The following IGSF9 variants were observed in gnomAD, a reference collection of about 807,000 sequenced individuals.
IGSF9 encodes the protein immunoglobulin superfamily member 9, also known as protein turtle homolog A.
In IGSF9, 87 loss-of-function variants were observed where a neutral mutation model predicts 121.7. The ratio of observed to expected loss-of-function variants is 0.71; its 90% confidence interval spans 0.60 to 0.85. IGSF9 has a LOEUF of 0.85. Among genes scored for constraint, IGSF9 ranks in the 40% least tolerant of loss-of-function variants. IGSF9 has a pLI of 0.00. For synonymous variants in IGSF9, 640 were observed against 648.4 expected, an observed-to-expected ratio of 0.99 and a Z score of 0.20; for missense variants, 1,462 against 1,565.3, an observed-to-expected ratio of 0.93 and a Z score of 1.11.
chr1:159,935,626 G>T (rs998785120), intron 6 of IGSF9, among the ~76,000 whole-genome samples: 5 of 152,204 alleles, frequency 3.3e-5, no homozygotes, highest in Non-Finnish European at 7.3e-5. Flanking sequence ...GTCATGATGC[G>T]AGCTGACACA....
chr1:159,930,682 A>G lies in IGSF9; in HGVS notation c.1813+10T>C, dbSNP rs1557932022. 20 of 1,613,860 alleles carry G rather than the reference A, an allele frequency of 1.2e-5. No homozygotes were observed. Among genetic ancestry groups the G allele is most frequent in the Admixed American group, 1.7e-5 (1 of 59,966 alleles). On this transcript the variant is annotated intron_variant, in intron 14 of 20. Transcript: ENST00000368094. ...TTGTCTCTGCTGTTCTGGGACGAGA[A>G]GCTTCTCACCTTCCGGAGCAGACAA...
rs760100707 is a variant in IGSF9, at chr1:159,929,783, C to G, written c.2181G>C (p.Leu727=). The G allele has an allele frequency of 1.9e-6, 3 of 1,606,034 alleles. No individual in the cohort carries two copies. The South Asian group carries it at 3.3e-5, about 18-fold the overall frequency. ...GCACGGGCTGAGGCAGGAGGCCCGG[C>G]AGCTGCGTGCGCGAAGGGTAGACCT... ...GLEVYPSRTQ[L]PGLLPQPVLA... The change falls in exon 17 of 21, where the codon CTG becomes CTC. Residue 727 remains leucine, a synonymous_variant. Coordinates refer to ENST00000368094, the MANE Select transcript of IGSF9 (RefSeq NM_001135050.2).
intron 13 of IGSF9, 100 bp from the exon 14 acceptor site, chr1:159,930,967 A>G (rs1243269758): frequency 3.5e-6 from 5 of 1,430,566 alleles, no homozygotes; most frequent in African/African-American, 1.4e-5. Context: ...CAACCATCCA[A>G]GGTCTCAGGA....
rs200806779 is a variant in IGSF9, at chr1:159,930,891, G to T, written c.1638-24C>A. Reference sequence around the variant, plus strand: ...CCCTGGGAGACATGAGGACATGGGGGGCACCTCGTGAGCTAGGAAGACCAG... The same window carrying T: ...CCCTGGGAGACATGAGGACATGGGGTGCACCTCGTGAGCTAGGAAGACCAG... On this transcript the variant is annotated intron_variant, in intron 13 of 20. Transcript: ENST00000368094. 52 of 1,574,722 alleles carry T rather than the reference G, an allele frequency of 3.3e-5. No homozygotes were observed. The East Asian group carries it at 1.1e-3, about 34-fold the overall frequency.
chr1:159,932,293 C>T lies in IGSF9; in HGVS notation c.1245+219G>A, dbSNP rs1378022030. 1.7e-6 allele frequency: 1 copy of T among 596,856 alleles called. No individual in the cohort carries two copies. The highest frequency in any genetic ancestry group is 3.0e-6 in the Non-Finnish European group (1 of 336,246). 37.0% of individuals were successfully genotyped at this position (596,856 alleles called of 1,614,324 possible). The stretch of plus-strand genomic sequence containing the variant: ...TTGGGGCAAACAGGATATCTTACTT[C>T]TGGATGTGTGTGACTGATGTCCCAC... On this transcript the variant is annotated intron_variant, in intron 10 of 20. Transcript: ENST00000368094. This position sits in a 1 kb window ranked among gnomAD's most constrained non-coding sequence, Gnocchi z 4.1.
Position 159,929,957 on chromosome 1 carries a change from GGAACTCGTAGA to G in IGSF9, c.2072_2082del (p.Leu691ProfsTer105). The G allele has an allele frequency of 6.3e-7, 1 of 1,586,204 alleles. No homozygotes were observed. Among genetic ancestry groups the G allele is most frequent in the Non-Finnish European group, 8.6e-7 (1 of 1,167,094 alleles). ...AAGCTGCCCGCGAAGGCCACGAGGC[GGAACTCGTAGA>G]GAACATCCTGCGATGGGGATGGGGT... On this transcript the variant is annotated frameshift_variant, in exon 16 of 21. Coordinates refer to ENST00000368094, the MANE Select transcript of IGSF9 (RefSeq NM_001135050.2). LOFTEE classifies it high-confidence loss of function.
chr1:159,934,576 A>G lies in IGSF9; in HGVS notation c.816-6T>C, dbSNP rs779414421. On this transcript the variant is annotated splice_polypyrimidine_tract_variant and splice_region_variant and intron_variant, in intron 7 of 20. Transcript: ENST00000368094. Reference sequence around the variant, plus strand: ...GCACCCGGGGCTGCAGGCGGCTGCAATGTGGCATGTGTGAGGAGGGGTCCA... The same window carrying G: ...GCACCCGGGGCTGCAGGCGGCTGCAGTGTGGCATGTGTGAGGAGGGGTCCA... 2.5e-6 allele frequency: 4 copies of G among 1,613,632 alleles called. No homozygotes were observed. Among genetic ancestry groups the G allele is most frequent in the Admixed American group, 1.7e-5 (1 of 60,012 alleles).
At position 159,928,958 on chromosome 1, in the gene IGSF9, T is replaced by A. The variant is rs540090066; in HGVS notation, c.2430A>T (p.Pro810=). The change falls in exon 19 of 21, where the codon CCA becomes CCT. Residue 810 remains proline (P), a synonymous_variant. Transcript: ENST00000368094. ...GCAGACTCTGGCGCAGGCTGGGGAC[T>A]GGGGATCCCTGGAGCTTCAGCTTCG... ...SVAKLKLQGS[P]VPSLRQSLLW... The A allele has an allele frequency of 5.9e-6, 9 of 1,526,720 alleles. 1 individual carries two copies. In the East Asian group the frequency reaches 2.1e-4, roughly 35 times the overall value. The allele number at this position is 1,526,720 out of a possible 1,614,324, so 94.6% of individuals were successfully genotyped here.
intron 14 of IGSF9, 65 bp from the exon 15 acceptor site, chr1:159,930,504 A>G (rs1650955320): frequency 6.6e-7 from 1 of 1,516,130 alleles, no homozygotes; most frequent in South Asian, 1.3e-5. Context: ...GCCTTCCACA[A>G]CTCCCAGTGC....
At position 159,929,687 on chromosome 1, in the gene IGSF9, G is replaced by A. The variant is rs1571211284; in HGVS notation, c.2277C>T (p.Leu759=). The A allele has an allele frequency of 2.5e-6, 4 of 1,597,528 alleles. No individual in the cohort carries two copies. The highest frequency in any genetic ancestry group is 1.3e-5 in the African/African-American group (1 of 74,946). Reference sequence around the variant, plus strand: ...GGCGGGCAGCCCTGCGCCGGTTCAGGAGGCAGCCGGCCAGGATGCTCACAA... The same window carrying A: ...GGCGGGCAGCCCTGCGCCGGTTCAGAAGGCAGCCGGCCAGGATGCTCACAA... The part of the protein sequence containing the change: ...AVLVSILAGC[L]LNRRRAARRR... Residue 759 remains leucine, a synonymous_variant, in exon 17 of 21, where the codon CTC becomes CTT. Transcript: ENST00000368094.
In IGSF9 at chr1:159,932,774, C is replaced by T; in HGVS notation, c.1105-122G>A. The T allele has an allele frequency of 2.1e-6, 2 of 940,822 alleles. No homozygotes were observed. Among genetic ancestry groups the T allele is most frequent in the Non-Finnish European group, 3.1e-6 (2 of 641,960 alleles). 58.3% of individuals were successfully genotyped at this position (940,822 alleles called of 1,614,324 possible). The stretch of plus-strand genomic sequence containing the variant: ...GCTGTGCAGAAGACTCCAGCAGCTC[C>T]ATGTCTAGGCCTGACCCCTCTCTGA... On this transcript the variant is annotated intron_variant, in intron 9 of 20. Coordinates refer to ENST00000368094, the MANE Select transcript of IGSF9 (RefSeq NM_001135050.2). This position sits in a 1 kb window ranked among gnomAD's most constrained non-coding sequence, Gnocchi z 4.1.
In IGSF9 at chr1:159,942,991, G is replaced by T; in HGVS notation, c.219C>A (p.Tyr73Ter). The part of the protein sequence containing the change: ...LLPIFIQFGL[Y>*]SPRIDPDYVG... ...CGTAATCAGGGTCAATTCGGGGAGA[G>T]TAGAGGCCGAACTGGATGAAGATGG... The change falls in exon 3 of 21, where the codon TAC becomes TAA. Residue 73 changes from tyrosine (Y) to a stop codon, truncating the protein, a stop_gained. Coordinates refer to ENST00000368094, the MANE Select transcript of IGSF9 (RefSeq NM_001135050.2). LOFTEE classifies it high-confidence loss of function. 1.9e-6 allele frequency: 3 copies of T among 1,613,638 alleles called. No individual in the cohort carries two copies. Among genetic ancestry groups the T allele is most frequent in the Non-Finnish European group, 2.5e-6 (3 of 1,179,792 alleles).
In IGSF9 at chr1:159,930,407, G is replaced by T; in HGVS notation, c.1846C>A (p.Pro616Thr). The change falls in exon 15 of 21, where the codon CCC (proline) becomes ACC (threonine). Residue 616 changes from proline (P) to threonine (T), a missense_variant. Physicochemically the swap from Pro to Thr is conservative, Grantham distance 38. This residue lies in a region of IGSF9 where 808 missense variants were observed against 815.2 expected (regional missense o/e 0.99). Coordinates refer to ENST00000368094, the MANE Select transcript of IGSF9 (RefSeq NM_001135050.2). ...LPTTPAAPGL[P>T]PTEIPPPLSP... ...AGGGGAGGCGGTATCTCTGTTGGGG[G>T]AAGCCCGGGTGCAGCTGGCGTGGTA... 1.3e-6 allele frequency: 2 copies of T among 1,553,342 alleles called. No homozygotes were observed. The highest frequency in any genetic ancestry group is 2.7e-5 in the African/African-American group (2 of 73,046).
At chr1:159,939,330 C>T (rs367702074) in intron 3 of IGSF9, among the ~76,000 whole-genome samples, 4 of 152,116 alleles carry the variant, frequency 2.6e-5, no homozygotes, top group African/African-American at 4.8e-5. Flanking sequence ...TGGCCTCAAT[C>T]GATCCTCTTG....
chr1:159,944,817 AT>A (rs1651531488), intron 1 of IGSF9, among the ~76,000 whole-genome samples: 1 of 152,102 alleles, frequency 6.6e-6, no homozygotes, highest in African/African-American at 2.4e-5. Flanking sequence ...ATGATCCTGT[AT>A]GTCTAACTTC....
intron 3 of IGSF9, among the ~76,000 whole-genome samples, chr1:159,942,432 A>C (rs1651415337): frequency 6.6e-6 from 1 of 152,146 alleles, no homozygotes; most frequent in Admixed American, 6.5e-5. Context: ...GTGTCCCTGG[A>C]AAAGCAGAGA....
In IGSF9 at chr1:159,929,384, A is replaced by T; in HGVS notation, c.2336T>A (p.Leu779His). Residue 779 changes from leucine (L) to histidine (H), a missense_variant, in exon 18 of 21, where the codon CTT becomes CAT. By Grantham distance (99) the Leu-to-His change is moderately conservative. Transcript: ENST00000368094. ...TGACTTCCCGGTCGGAGAGAAGATA[A>T]GAGGTGGATCTGGAAGGGCATGAGA... is the stretch of plus-strand genomic sequence containing the variant. ...RRKRLRQDPP[L>H]IFSPTGKSAA... 1 of 1,614,182 alleles carries T rather than the reference A, an allele frequency of 6.2e-7. No individual in the cohort carries two copies. Among genetic ancestry groups the T allele is most frequent in the Non-Finnish European group, 8.5e-7 (1 of 1,180,008 alleles).
chr1:159,928,298 G>A lies in IGSF9; in HGVS notation c.3090C>T (p.Ser1030=), dbSNP rs1222837882. The change falls in exon 19 of 21, where the codon AGC becomes AGT. Residue 1030 remains serine, a synonymous_variant. Coordinates refer to ENST00000368094, the MANE Select transcript of IGSF9 (RefSeq NM_001135050.2). ...SLTSQSSGRG[S]ASFLRPPSTA... ...TGGAGGGGGGCCGCAGGAACGAAGC[G>A]CTGCCTCGCCCACTGCTCTGGCTGG... 4.3e-6 allele frequency: 7 copies of A among 1,611,648 alleles called. No individual in the cohort carries two copies. Among genetic ancestry groups the A allele is most frequent in the African/African-American group, 1.3e-5 (1 of 74,834 alleles).
chr1:159,930,978 C>A, intron 13 of IGSF9, 111 bp from the exon 14 acceptor site: 1 of 1,438,988 alleles, frequency 6.9e-7, no homozygotes, highest in African/African-American at 1.4e-5. Context: ...GGTCTCAGGA[C>A]CTTGGCCCTG....
Sources: gnomAD v4.1 joint callset for allele counts (sites outside exome capture counted in the v4.1 genomes callset) on GRCh38, gnomAD v4.1.1 for gene constraint, gnomAD v4.1.1 regional missense constraint, Gnocchi (gnomAD v3.1) non-coding constraint, MANE v1.5 for transcripts, NCBI Gene and HGNC (gene_info 2026-07-23, HGNC 2026-07-21) for gene names.